Variants in ZNF367 observed in about 807,000 individuals in gnomAD.
ZNF367 encodes the protein C2H2 zinc finger protein ZFF29.
In ZNF367, 11 loss-of-function variants were observed where a neutral mutation model predicts 31.8. That is an observed-to-expected ratio of 0.35 (90% CI 0.22 to 0.57). ZNF367 has a LOEUF of 0.57. Ranked by LOEUF, ZNF367 falls within the 20% of genes least tolerant of loss-of-function variation. The probability of loss-of-function intolerance (pLI) is 0.85; values close to 1 mark genes in which losing one functional copy is unlikely to be tolerated. For missense variants in ZNF367, 353 were observed against 484.1 expected (o/e 0.73, Z 2.54); for synonymous variants, 199 against 202.4 (o/e 0.98, Z 0.14).
chr9:96,402,134 T>C (rs1831611664), intron 1 of ZNF367, among the ~76,000 whole-genome samples: 1 of 151,554 alleles, frequency 6.6e-6, no homozygotes, highest in African/African-American at 2.4e-5. Context: ...CACGCGCCTA[T>C]AGTCCCAGCT....
intron 4 of ZNF367, 140 bp from the exon 5 acceptor site, chr9:96,388,599 T>G (rs546664627): frequency 1.2e-6 from 1 of 839,480 alleles, no homozygotes; most frequent in East Asian, 2.7e-5. Flanking sequence ...TAACATAAAT[T>G]TCCTATTTAT....
intron 1 of ZNF367, among the ~76,000 whole-genome samples, chr9:96,413,329 T>A (rs1831776112): frequency 1.3e-5 from 2 of 152,230 alleles, no homozygotes; most frequent in Admixed American, 6.5e-5. Flanking sequence ...CCTACTATGT[T>A]AACATGATGT....
intron 1 of ZNF367, among the ~76,000 whole-genome samples, chr9:96,416,573 C>A (rs1292868768): frequency 6.6e-6 from 1 of 152,198 alleles, no homozygotes; most frequent in East Asian, 1.9e-4. Context: ...AAACTCGTTT[C>A]AACTTATACA....
chr9:96,398,037 C>G, intron 2 of ZNF367, 127 bp downstream of exon 2: 1 of 901,726 alleles, frequency 1.1e-6, no homozygotes, highest in Non-Finnish European at 1.6e-6. Context: ...TTGCAGTAAG[C>G]CAAGATCGCG....
intron 1 of ZNF367, among the ~76,000 whole-genome samples, chr9:96,412,089 C>T (rs1331729045): frequency 6.6e-6 from 1 of 152,126 alleles, no homozygotes; most frequent in East Asian, 1.9e-4. Context: ...TTTAACAATA[C>T]ATATTAAAAT....
At chr9:96,415,478 C>CTTTTTTTT (rs1564146059) in intron 1 of ZNF367, among the ~76,000 whole-genome samples, 2 of 65,520 alleles carry the variant, frequency 3.1e-5, no homozygotes, top group Non-Finnish European at 5.9e-5. Flanking sequence ...TTAGTTTCTT[C>CTTTTTTTT]ATTTTTTTTT....
chr9:96,394,857 G>A lies in ZNF367; in HGVS notation c.657C>T (p.His219=), dbSNP rs145170093. Reference sequence around the variant, plus strand: ...AACAAACAAAAGGTTTCTCTCCGGTGTGAAGACGCTGATGTGTTTTGAGCT... The same window carrying A: ...AACAAACAAAAGGTTTCTCTCCGGTATGAAGACGCTGATGTGTTTTGAGCT... ...SGQLKTHQRL[H]TGEKPFVCSE... The change falls in exon 3 of 5, where the codon CAC becomes CAT. Residue 219 remains histidine (H), a synonymous_variant. Transcript: ENST00000375256. 5.5e-5 allele frequency: 88 copies of A among 1,614,084 alleles called. No individual in the cohort carries two copies. The East Asian group carries it at 8.2e-4, about 15-fold the overall frequency.
At chr9:96,407,038 G>T (rs1260301504) in intron 1 of ZNF367, among the ~76,000 whole-genome samples, 1 of 151,244 alleles carries the variant, frequency 6.6e-6, no homozygotes, top group East Asian at 1.9e-4. Flanking sequence ...AGAACGTGGG[G>T]GTCAGGCACA....
At position 96,417,540 on chromosome 9, in the gene ZNF367, GC is replaced by G; in HGVS notation, c.420+72del. ...GGATCGACCTCGCGTTTTCAACTCC[GC>G]CCCGCCCGCCGCACCGTTAACGGGC... On this transcript the variant is annotated intron_variant, in intron 1 of 4. Coordinates refer to ENST00000375256, the MANE Select transcript of ZNF367 (RefSeq NM_153695.4). This position sits in a 1 kb window ranked among gnomAD's most constrained non-coding sequence, Gnocchi z 5.0. 3.3e-6 allele frequency: 1 copy of G among 300,842 alleles called. No individual in the cohort carries two copies. Among genetic ancestry groups the G allele is most frequent in the Non-Finnish European group, 6.0e-6 (1 of 165,744 alleles). 18.6% of individuals were successfully genotyped at this position (300,842 alleles called of 1,614,324 possible).
intron 1 of ZNF367, among the ~76,000 whole-genome samples, chr9:96,405,087 C>T (rs1014101293): frequency 2.6e-5 from 4 of 152,018 alleles, no homozygotes; most frequent in Admixed American, 2.6e-4. Flanking sequence ...TTTGGGAGGC[C>T]AAGGTGGGTG....
chr9:96,415,364 T>G (rs1831806955), intron 1 of ZNF367, among the ~76,000 whole-genome samples: 1 of 148,370 alleles, frequency 6.7e-6, no homozygotes, highest in Non-Finnish European at 1.5e-5. Context: ...ACCCACCCGG[T>G]GGATACCGAT....
chr9:96,418,351 TAAC>T lies in ZNF367; in HGVS notation c.-322_-320del, dbSNP rs1377248653. 10 of 342,702 alleles carry T rather than the reference TAAC, an allele frequency of 2.9e-5. No individual in the cohort carries two copies. Among genetic ancestry groups the T allele is most frequent in the East Asian group, 1.3e-4 (3 of 23,066 alleles). The allele number at this position is 342,702 out of a possible 1,614,324, so 21.2% of individuals were successfully genotyped here. On this transcript the variant is annotated 5_prime_UTR_variant, in exon 1 of 5. Coordinates refer to ENST00000375256, the MANE Select transcript of ZNF367 (RefSeq NM_153695.4). ...ACGCGCGGCGCTGAGCCCCCAAAAA[TAAC>T]AACCTGCCGCCGCGGTGCCTGCCCC...
chr9:96,402,876 T>C (rs1218602937), intron 1 of ZNF367, among the ~76,000 whole-genome samples: 1 of 152,072 alleles, frequency 6.6e-6, no homozygotes, highest in African/African-American at 2.4e-5. Flanking sequence ...TCACTAAATT[T>C]TAAAAGACTG....
chr9:96,413,332 C>T (rs1358273374), intron 1 of ZNF367, among the ~76,000 whole-genome samples: 4 of 152,180 alleles, frequency 2.6e-5, no homozygotes, highest in Non-Finnish European at 5.9e-5. Flanking sequence ...ACTATGTTAA[C>T]ATGATGTTAG....
intron 1 of ZNF367, among the ~76,000 whole-genome samples, chr9:96,407,980 A>ACAAT (rs1831693065): frequency 6.7e-6 from 1 of 148,448 alleles, no homozygotes; most frequent in Non-Finnish European, 1.5e-5. Context: ...AATGGAACAC[A>ACAAT]AAATAAATAA....
In ZNF367 at chr9:96,388,236, G is replaced by A. The variant is rs769353912; in HGVS notation, c.*1C>T. 1 of 1,609,404 alleles carries A rather than the reference G, an allele frequency of 6.2e-7. No individual in the cohort carries two copies. Among genetic ancestry groups the A allele is most frequent in the Non-Finnish European group, 8.5e-7 (1 of 1,178,812 alleles). Reference sequence around the variant, plus strand: ...GTACAGTGGAAGAGTCAGTGTCCAAGCTACTGTCGGAGTGGCGCCCCAGTC... The same window carrying A: ...GTACAGTGGAAGAGTCAGTGTCCAAACTACTGTCGGAGTGGCGCCCCAGTC... On this transcript the variant is annotated 3_prime_UTR_variant, in exon 5 of 5. Coordinates refer to ENST00000375256, the MANE Select transcript of ZNF367 (RefSeq NM_153695.4).
At chr9:96,395,377 A>C (rs1831519178) in intron 2 of ZNF367, among the ~76,000 whole-genome samples, 1 of 152,072 alleles carries the variant, frequency 6.6e-6, no homozygotes, top group East Asian at 1.9e-4. Flanking sequence ...CTGGCATAGA[A>C]ATCTGCTTTT....
intron 1 of ZNF367, among the ~76,000 whole-genome samples, chr9:96,401,828 CAA>C (rs888111576): frequency 1.5e-5 from 2 of 131,476 alleles, no homozygotes. Flanking sequence ...ATGCCATCTC[CAA>C]AAAAAAAAAA....
In ZNF367 at chr9:96,417,358, C is replaced by A. The variant is rs1831844336; in HGVS notation, c.420+255G>T. Among the ~76,000 whole-genome samples the A allele has an allele frequency of 6.6e-6, 1 of 152,052 alleles. No individual in the cohort carries two copies. The highest frequency in any genetic ancestry group is 1.5e-5 in the Non-Finnish European group (1 of 67,984). On this transcript the variant is annotated intron_variant, in intron 1 of 4. Transcript: ENST00000375256. This position sits in a 1 kb window ranked among gnomAD's most constrained non-coding sequence, Gnocchi z 5.0. The stretch of plus-strand genomic sequence containing the variant: ...GTGGCCGTTGACCCGGCCTCCCCAG[C>A]GACCCCGGGCCGCGCTCCCGCCCAC...
Sources: gnomAD v4.1 joint callset for allele counts (sites outside exome capture counted in the v4.1 genomes callset) on GRCh38, gnomAD v4.1.1 for gene constraint, Gnocchi (gnomAD v3.1) non-coding constraint, MANE v1.5 for transcripts, NCBI Gene and HGNC (gene_info 2026-07-23, HGNC 2026-07-21) for gene names.